The following PRKCA variants were observed in gnomAD, a reference collection of about 807,000 sequenced individuals.
The protein encoded by PRKCA is protein kinase C alpha type.
Under a neutral mutation model 87.0 loss-of-function variants are expected in PRKCA, and 27 were observed. That is an observed-to-expected ratio of 0.31 (90% confidence interval 0.23 to 0.43). The LOEUF is 0.43. PRKCA is among the 20% of genes least tolerant of loss of function. The pLI is 1.00. For synonymous variants in PRKCA, 329 were observed against 311.1 expected, an observed-to-expected ratio of 1.06 and a Z score of -0.61; for missense variants, 518 against 852.3, an observed-to-expected ratio of 0.61 and a Z score of 4.88.
At chr17:66,796,702 GAA>G in intron 16 of PRKCA, 3 of 985,336 alleles carry the variant, frequency 3.0e-6, no homozygotes, top group Non-Finnish European at 3.6e-6. Flanking sequence ...AAGCCCAAGT[GAA>G]ATGCACCAGC....
chr17:66,532,519 C>T (rs1212914113), intron 3 of PRKCA, among the ~76,000 whole-genome samples: 1 of 151,852 alleles, frequency 6.6e-6, no homozygotes, highest in Non-Finnish European at 1.5e-5. Context: ...GCATGCACCA[C>T]CATGCCCGAC....
At chr17:66,687,019 G>A (rs1319913892) in intron 5 of PRKCA, 92 bp from the exon 6 acceptor site, 7 of 1,162,598 alleles carry the variant, frequency 6.0e-6, no homozygotes, top group East Asian at 2.4e-5. Flanking sequence ...CCATTCTGAC[G>A]TCTCTTTTAT....
intron 8 of PRKCA, among the ~76,000 whole-genome samples, chr17:66,725,479 G>C (rs1973723025): frequency 6.6e-6 from 1 of 151,902 alleles, no homozygotes; most frequent in Non-Finnish European, 1.5e-5. Context: ...TTACCTCCTA[G>C]GATCTCACAG....
rs1181660271 is a variant in PRKCA at position 66,752,825 on chromosome 17, AAG to A, written c.1524+10066_1524+10067del. 3.3e-5 allele frequency among the ~76,000 whole-genome samples: 5 copies of A among 152,202 alleles called. No individual in the cohort carries two copies. In the East Asian group the frequency reaches 9.7e-4, roughly 29 times the overall value. On this transcript the variant is annotated intron_variant, in intron 13 of 16. Transcript: ENST00000413366. The stretch of plus-strand genomic sequence containing the variant: ...TTCTTGACATGGTGCTGGCTACTAA[AAG>A]GCCAAAAACAGAAGCCACAGGCTGC...
rs74533812 is a variant in PRKCA at position 66,788,553 on chromosome 17, C to T, written c.1714-286C>T. On this transcript the variant is annotated intron_variant, in intron 15 of 16. Transcript: ENST00000413366. ...AGCATGGTGTCTCCAAAACAGACAA[C>T]GTGTGAGATGTCTGTTTAAATTCTT... is the stretch of plus-strand genomic sequence containing the variant. Among the ~76,000 whole-genome samples, 735 of 151,942 alleles carry T rather than the reference C, an allele frequency of 4.8e-3. 3 individuals are homozygous for T. The highest frequency in any genetic ancestry group is 8.6e-3 in the Non-Finnish European group (583 of 67,974).
intron 3 of PRKCA, among the ~76,000 whole-genome samples, chr17:66,547,621 C>T (rs1379608666): frequency 6.6e-6 from 1 of 152,114 alleles, no homozygotes; most frequent in East Asian, 1.9e-4. Flanking sequence ...GGGTAAGTTC[C>T]TTGACTATTC....
intron 2 of PRKCA, among the ~76,000 whole-genome samples, chr17:66,379,362 C>T (rs1174665434): frequency 1.3e-5 from 2 of 152,174 alleles, no homozygotes; most frequent in Non-Finnish European, 2.9e-5. Flanking sequence ...ACCAATGATG[C>T]TGAGCATCTT....
intron 5 of PRKCA, among the ~76,000 whole-genome samples, chr17:66,649,654 G>A (rs1417945132): frequency 6.6e-6 from 1 of 152,068 alleles, no homozygotes; most frequent in Non-Finnish European, 1.5e-5. Context: ...AGTCTCCTTT[G>A]GAACAAACAA....
intron 2 of PRKCA, among the ~76,000 whole-genome samples, chr17:66,479,448 A>G (rs915399684): frequency 6.6e-6 from 1 of 152,236 alleles, no homozygotes; most frequent in Non-Finnish European, 1.5e-5. Context: ...CAGTATGGCC[A>G]TTCTTCAAAG....
chr17:66,468,662 A>G (rs1915191955), intron 2 of PRKCA, among the ~76,000 whole-genome samples: 1 of 152,124 alleles, frequency 6.6e-6, no homozygotes. Flanking sequence ...GAAACCAGCT[A>G]ACTATGGCAG....
At chr17:66,628,965 G>A (rs1459740209) in intron 3 of PRKCA, among the ~76,000 whole-genome samples, 1 of 152,218 alleles carries the variant, frequency 6.6e-6, no homozygotes, top group Non-Finnish European at 1.5e-5. Flanking sequence ...GGAGGCAGAG[G>A]TTGCAGTGAG....
chr17:66,749,932 G>A (rs1974392298), intron 13 of PRKCA, among the ~76,000 whole-genome samples: 1 of 152,044 alleles, frequency 6.6e-6, no homozygotes, highest in Admixed American at 6.6e-5. Flanking sequence ...GGACCTGAGT[G>A]AAGGTCAATG....
intron 2 of PRKCA, among the ~76,000 whole-genome samples, chr17:66,350,789 T>C (rs61521684): frequency 0.066 from 10,052 of 152,160 alleles, 830 homozygotes; most frequent in African/African-American, 0.2. Context: ...CCTCCCAAAC[T>C]GCTGGGATTA....
At chr17:66,347,220 T>TA (rs1439945818) in intron 2 of PRKCA, among the ~76,000 whole-genome samples, 1 of 152,118 alleles carries the variant, frequency 6.6e-6, no homozygotes, top group Non-Finnish European at 1.5e-5. Context: ...ACATTTTCCC[T>TA]AACAAAAAAA....
At chr17:66,405,057 G>C (rs748700051) in intron 2 of PRKCA, among the ~76,000 whole-genome samples, 7 of 151,792 alleles carry the variant, frequency 4.6e-5, no homozygotes, top group Non-Finnish European at 7.4e-5. Flanking sequence ...GCCAAGAGAG[G>C]GGTAGGCCTT....
chr17:66,428,662 C>T (rs1000075093), intron 2 of PRKCA, among the ~76,000 whole-genome samples: 2 of 151,976 alleles, frequency 1.3e-5, no homozygotes, highest in Non-Finnish European at 2.9e-5. Flanking sequence ...TATCACCATG[C>T]CCAGCTAATT....
chr17:66,715,437 G>T (rs547115072), intron 8 of PRKCA, among the ~76,000 whole-genome samples: 54 of 152,202 alleles, frequency 3.5e-4, no homozygotes, highest in African/African-American at 1.3e-3. Flanking sequence ...AAACACCGTG[G>T]CTCCCTCGGA....
intron 2 of PRKCA, among the ~76,000 whole-genome samples, chr17:66,461,205 CAAAAA>C (rs34496253): frequency 1.1e-5 from 1 of 93,032 alleles, no homozygotes. Flanking sequence ...GACCCCATCT[CAAAAA>C]AAAAAAAAAA....
chr17:66,636,950 C>T (rs930085961), intron 3 of PRKCA, among the ~76,000 whole-genome samples: 4 of 152,196 alleles, frequency 2.6e-5, no homozygotes, highest in African/African-American at 7.2e-5. Flanking sequence ...GATCAACAAA[C>T]AGCTGGTGCT....
Sources: gnomAD v4.1 joint callset for allele counts (sites outside exome capture counted in the v4.1 genomes callset) on GRCh38, gnomAD v4.1.1 for gene constraint, MANE v1.5 for transcripts, NCBI Gene and HGNC (gene_info 2026-07-23, HGNC 2026-07-21) for gene names.